The following RASGEF1B variants were observed in gnomAD, a reference collection of about 807,000 sequenced individuals.
RASGEF1B encodes the protein RasGEF domain family member 1B.
In RASGEF1B, 30 loss-of-function variants were observed where a neutral mutation model predicts 65.7. The ratio of observed to expected loss-of-function variants is 0.46; its 90% CI spans 0.34 to 0.62. The LOEUF is 0.62. Among genes scored for constraint, RASGEF1B ranks in the 20% least tolerant of loss-of-function variants. RASGEF1B has a pLI of 0.01. For synonymous variants in RASGEF1B, 175 were observed against 194.8 expected (o/e 0.90, Z 0.85); for missense variants, 495 against 580.1 (o/e 0.85, Z 1.51).
At chr4:81,447,995 G>T in intron 5 of RASGEF1B, 74 bp downstream of exon 5, 2 of 1,261,352 alleles carry the variant, frequency 1.6e-6, no homozygotes, top group Non-Finnish European at 2.3e-6. Context: ...CATTACCGCT[G>T]ACAAATATAT....
chr4:81,448,513 G>T (rs1722127424), intron 4 of RASGEF1B, among the ~76,000 whole-genome samples: 1 of 152,152 alleles, frequency 6.6e-6, no homozygotes, highest in Admixed American at 6.5e-5. Flanking sequence ...TGAGAGTACA[G>T]TTCAGGTTGG....
intron 9 of RASGEF1B, 64 bp from the exon 10 acceptor site, chr4:81,440,993 T>C (rs2109974079): frequency 4.6e-6 from 5 of 1,077,876 alleles, no homozygotes; most frequent in South Asian, 1.3e-5. Flanking sequence ...AGGAAGTTTA[T>C]AAGATCACAT....
rs1355583487 is a variant in RASGEF1B, at chr4:81,426,910, CTAAG to C, written c.*854_*857del. 1 of 113,752 alleles carries C rather than the reference CTAAG, an allele frequency of 8.8e-6. No homozygotes were observed. The highest frequency in any genetic ancestry group is 1.7e-5 in the Non-Finnish European group (1 of 57,708). The allele number at this position is 113,752 out of a possible 1,614,324, so 7.0% of individuals were successfully genotyped here. A position where few individuals can be genotyped will look rare whatever the true frequency, so the allele number is the denominator to read the frequency against. ...GAAAAATAACAGGCATCATGGAAAACTAAGTAACAAAAAGCTATTGAAAAATACA... is the reference window on the plus strand; with the variant it reads ...GAAAAATAACAGGCATCATGGAAAACTAACAAAAAGCTATTGAAAAATACA... On this transcript the variant is annotated 3_prime_UTR_variant, in exon 14 of 14. Transcript: ENST00000264400.
rs142494658 is a variant in RASGEF1B at position 81,469,078 on chromosome 4, T to G, written c.-7+2692A>C. ...TAACTGGAGAATCAAAAAGGACAAC[T>G]ATAGGTCTGAAAAAGTGAGGGGGGT... On this transcript the variant is annotated intron_variant, in intron 1 of 13. Transcript: ENST00000264400. Among the ~76,000 whole-genome samples, 20 of 152,290 alleles carry G rather than the reference T, an allele frequency of 1.3e-4. No individual in the cohort carries two copies. In the East Asian group the frequency reaches 3.9e-3, roughly 29 times the overall value.
At chr4:81,469,496 T>C (rs1722952700) in intron 1 of RASGEF1B, among the ~76,000 whole-genome samples, 1 of 152,182 alleles carries the variant, frequency 6.6e-6, no homozygotes, top group Admixed American at 6.5e-5. Flanking sequence ...GAAAGGTGTA[T>C]TGAATTGTTT....
At chr4:81,444,619 C>T (rs1356807443) in intron 8 of RASGEF1B, among the ~76,000 whole-genome samples, 2 of 152,144 alleles carry the variant, frequency 1.3e-5, no homozygotes, top group African/African-American at 4.8e-5. Context: ...TCGCTGCAAC[C>T]TCCGACTCCT....
chr4:81,436,574 T>C (rs1033535589), intron 10 of RASGEF1B, among the ~76,000 whole-genome samples: 3 of 152,172 alleles, frequency 2.0e-5, no homozygotes, highest in Non-Finnish European at 4.4e-5. Context: ...ATTTCCATTT[T>C]CTCTCAAATG....
chr4:81,427,645 G>A lies in RASGEF1B; in HGVS notation c.*123C>T, dbSNP rs772014603. 239 of 1,015,318 alleles carry A rather than the reference G, an allele frequency of 2.4e-4. No individual in the cohort carries two copies. Among genetic ancestry groups the A allele is most frequent in the Middle Eastern group, 4.2e-4 (2 of 4,762 alleles). The allele number at this position is 1,015,318 out of a possible 1,614,324, so 62.9% of individuals were successfully genotyped here. On this transcript the variant is annotated 3_prime_UTR_variant, in exon 14 of 14. Coordinates refer to ENST00000264400, the MANE Select transcript of RASGEF1B (RefSeq NM_152545.3). ...GTGAGCTTGTGTGCTTTGCTGACCCGGGTGCTCCAATGACTGCAGGGTCTT... is the reference window on the plus strand; with the variant it reads ...GTGAGCTTGTGTGCTTTGCTGACCCAGGTGCTCCAATGACTGCAGGGTCTT...
At chr4:81,467,046 C>T (rs1341219598) in intron 1 of RASGEF1B, among the ~76,000 whole-genome samples, 1 of 150,910 alleles carries the variant, frequency 6.6e-6, no homozygotes, top group Non-Finnish European at 1.5e-5. Flanking sequence ...CAGACAGAAA[C>T]TCCAAGACTC....
intron 13 of RASGEF1B, among the ~76,000 whole-genome samples, chr4:81,428,372 C>T (rs1721299251): frequency 1.3e-5 from 2 of 152,184 alleles, no homozygotes; most frequent in Non-Finnish European, 2.9e-5. Flanking sequence ...TCAGCCCTCT[C>T]TATCTGTGGG....
chr4:81,430,551 G>A (rs967472503), intron 13 of RASGEF1B, among the ~76,000 whole-genome samples: 1 of 152,138 alleles, frequency 6.6e-6, no homozygotes, highest in East Asian at 1.9e-4. Context: ...CCGTGGGGTC[G>A]GAGCCCCACA....
chr4:81,433,914 T>G lies in RASGEF1B; in HGVS notation c.1250A>C (p.Gln417Pro), dbSNP rs574521988. 1 of 1,613,864 alleles carries G rather than the reference T, an allele frequency of 6.2e-7. No individual in the cohort carries two copies. The part of the protein sequence containing the change: ...KQVSEFMTWK[Q>P]VECPFERDRK... ...GTCCCTCTCAAATGGACACTCCACT[T>G]GTTTCCATGTCATAAATTCACTCAC... Residue 417 changes from glutamine to proline, a missense_variant, in exon 12 of 14, where the codon CAA becomes CCA. Physicochemically the swap from Gln to Pro is moderately conservative, Grantham distance 76. Transcript: ENST00000264400.
At chr4:81,468,992 T>G (rs1722937848) in intron 1 of RASGEF1B, among the ~76,000 whole-genome samples, 1 of 152,126 alleles carries the variant, frequency 6.6e-6, no homozygotes, top group South Asian at 2.1e-4. Flanking sequence ...GCCACAGCAC[T>G]AGGCTATAAC....
intron 10 of RASGEF1B, among the ~76,000 whole-genome samples, chr4:81,435,336 G>A (rs1328071888): frequency 8.1e-5 from 12 of 148,692 alleles, no homozygotes; most frequent in Non-Finnish European, 1.5e-4. Flanking sequence ...GCGTGAACCC[G>A]GGAAGCGGAG....
At chr4:81,432,997 T>A (rs1721482796) in intron 12 of RASGEF1B, among the ~76,000 whole-genome samples, 1 of 151,030 alleles carries the variant, frequency 6.6e-6, no homozygotes, top group Non-Finnish European at 1.5e-5. Flanking sequence ...GCAGATCATG[T>A]GACCCAATAG....
chr4:81,454,534 A>C (rs1193733849), intron 4 of RASGEF1B: 3 of 152,234 alleles, frequency 2.0e-5, no homozygotes, highest in Non-Finnish European at 4.4e-5. Context: ...AAGGTCACTG[A>C]GCCAGCACTG....
intron 10 of RASGEF1B, among the ~76,000 whole-genome samples, chr4:81,437,000 A>G (rs796492045): frequency 2.4e-4 from 37 of 152,296 alleles, no homozygotes; most frequent in African/African-American, 8.9e-4. Context: ...GTGATTAGCT[A>G]TTTTCCATTA....
At chr4:81,460,556 T>C (rs945947421) in intron 1 of RASGEF1B, among the ~76,000 whole-genome samples, 7 of 152,234 alleles carry the variant, frequency 4.6e-5, no homozygotes, top group African/African-American at 9.6e-5. Context: ...CAAAAGATAT[T>C]TGCATCTCAA....
At chr4:81,439,916 T>C (rs2109973005) in intron 10 of RASGEF1B, among the ~76,000 whole-genome samples, 1 of 152,364 alleles carries the variant, frequency 6.6e-6, no homozygotes, top group Admixed American at 6.5e-5. Flanking sequence ...ATTTCAGATC[T>C]GATTGAGAAC....
Sources: gnomAD v4.1 joint callset for allele counts (sites outside exome capture counted in the v4.1 genomes callset) on GRCh38, gnomAD v4.1.1 for gene constraint, MANE v1.5 for transcripts, NCBI Gene and HGNC (gene_info 2026-07-23, HGNC 2026-07-21) for gene names.